Variants in GPM6A observed in about 807,000 individuals in gnomAD.
GPM6A encodes neuronal membrane glycoprotein M6-a.
A neutral mutation model predicts 32.1 loss-of-function variants in GPM6A; 7 were observed. The ratio of observed to expected loss-of-function variants is 0.22; its 90% CI spans 0.12 to 0.41. The LOEUF is 0.41. Ranked by LOEUF, GPM6A falls within the 10% of genes least tolerant of loss-of-function variation. The pLI, the probability that GPM6A is intolerant of heterozygous loss-of-function variation, is 1.00. For synonymous variants in GPM6A, 130 were observed against 123.4 expected (o/e 1.05, Z -0.35); for missense variants, 235 against 347.2 (o/e 0.68, Z 2.57).
chr4:175,776,599 C>T (rs1733405742), intron 1 of GPM6A, among the ~76,000 whole-genome samples: 1 of 152,042 alleles, frequency 6.6e-6, no homozygotes, highest in Admixed American at 6.6e-5. Context: ...AAGAAGCTGC[C>T]CCGGGAAATC....
intron 1 of GPM6A, among the ~76,000 whole-genome samples, chr4:175,948,341 A>AT (rs1467124663): frequency 3.9e-5 from 6 of 152,234 alleles, no homozygotes; most frequent in African/African-American, 7.2e-5. Flanking sequence ...GAGAGAAATG[A>AT]TTTTTCTTTC....
At chr4:175,660,981 G>T (rs1310483763) in intron 3 of GPM6A, among the ~76,000 whole-genome samples, 2 of 151,882 alleles carry the variant, frequency 1.3e-5, no homozygotes, top group Non-Finnish European at 2.9e-5. Context: ...AAAATATTTG[G>T]CTAAGTAACC....
At chr4:175,964,893 A>G (rs189737955) in intron 1 of GPM6A, among the ~76,000 whole-genome samples, 1 of 152,362 alleles carries the variant, frequency 6.6e-6, no homozygotes, top group African/African-American at 2.4e-5. Context: ...AATCCTTAAT[A>G]AGCATGTACT....
chr4:175,637,314 T>C (rs1740753563), intron 6 of GPM6A, among the ~76,000 whole-genome samples: 1 of 67,864 alleles, frequency 1.5e-5, no homozygotes, highest in Admixed American at 2.9e-4. Context: ...TTATATATAA[T>C]ATAAAATATA....
Position 175,900,438 on chromosome 4 carries a change from G to A in GPM6A, c.-22-88189C>T, listed in dbSNP as rs190112065. Among the ~76,000 whole-genome samples the A allele has an allele frequency of 2.6e-3, 396 of 150,596 alleles. 3 individuals are homozygous for A. The highest frequency in any genetic ancestry group is 8.8e-3 in the African/African-American group (361 of 41,000). ...TCTATAGGAGAAAATCTAATAATCC[G>A]GTCAAAAAATGGGCAAAAAATATGA... On this transcript the variant is annotated intron_variant, in intron 1 of 7. Transcript: ENST00000280187.
intron 1 of GPM6A, among the ~76,000 whole-genome samples, chr4:175,820,977 A>C (rs1735261610): frequency 6.6e-6 from 1 of 152,178 alleles, no homozygotes; most frequent in Non-Finnish European, 1.5e-5. Context: ...TAGTGCATAC[A>C]TTTAAAATTT....
chr4:175,771,826 C>T (rs1336266448), intron 1 of GPM6A, among the ~76,000 whole-genome samples: 1 of 152,190 alleles, frequency 6.6e-6, no homozygotes, highest in Non-Finnish European at 1.5e-5. Context: ...TGCTTTTATT[C>T]TTCTCAATCA....
rs190838288 is a variant in GPM6A, at chr4:175,682,251, G to A, written c.231-8415C>T. 4.3e-4 allele frequency among the ~76,000 whole-genome samples: 66 copies of A among 152,302 alleles called. No homozygotes were observed. The East Asian group carries it at 0.012, about 28-fold the overall frequency. On this transcript the variant is annotated intron_variant, in intron 2 of 6. Transcript: ENST00000393658. ...GCAGAAGAAATTTCTAAGCTGCTAA[G>A]TATTTGCATGGGTGCTTCTAACAGC...
At chr4:175,686,467 T>C (rs945245027) in intron 2 of GPM6A, among the ~76,000 whole-genome samples, 3 of 152,188 alleles carry the variant, frequency 2.0e-5, no homozygotes, top group Admixed American at 6.5e-5. Flanking sequence ...TGCAAGCTCA[T>C]GTTTCCTTAT....
At chr4:175,719,281 C>T (rs1745997509) in intron 1 of GPM6A, among the ~76,000 whole-genome samples, 1 of 151,736 alleles carries the variant, frequency 6.6e-6, no homozygotes, top group Non-Finnish European at 1.5e-5. Flanking sequence ...TCACTGCAAC[C>T]TCTGCCTCCT....
intron 1 of GPM6A, among the ~76,000 whole-genome samples, chr4:175,991,525 T>G (rs1017445374): frequency 6.6e-6 from 1 of 152,190 alleles, no homozygotes; most frequent in African/African-American, 2.4e-5. Flanking sequence ...GAAAATTCCC[T>G]GAGTATCCAG....
At chr4:175,873,901 C>G (rs557887317) in intron 1 of GPM6A, among the ~76,000 whole-genome samples, 1 of 152,272 alleles carries the variant, frequency 6.6e-6, no homozygotes, top group East Asian at 1.9e-4. Flanking sequence ...GTCCATCTTT[C>G]TACAGACTTT....
At chr4:175,795,873 G>A (rs1734206125) in intron 1 of GPM6A, 2 of 152,262 alleles carry the variant, frequency 1.3e-5, no homozygotes, top group Admixed American at 6.5e-5. Flanking sequence ...CATGGCATGA[G>A]GCAGCCCTGT....
intron 1 of GPM6A, among the ~76,000 whole-genome samples, chr4:175,795,092 A>G (rs1039652062): frequency 5.3e-5 from 8 of 152,208 alleles, no homozygotes; most frequent in African/African-American, 1.9e-4. Flanking sequence ...TTCTGAAGTG[A>G]AAGCATTTGA....
chr4:175,668,773 C>T (rs1313945272), intron 3 of GPM6A, among the ~76,000 whole-genome samples: 2 of 152,174 alleles, frequency 1.3e-5, no homozygotes, highest in Non-Finnish European at 2.9e-5. Flanking sequence ...GAGGACATCT[C>T]TGTAATGAAG....
At chr4:175,936,306 C>CAAAAAAAAAAAAAAA (rs35653197) in intron 1 of GPM6A, among the ~76,000 whole-genome samples, 4 of 45,600 alleles carry the variant, frequency 8.8e-5, no homozygotes, top group Non-Finnish European at 1.5e-4. Context: ...ACTCTGTCTC[C>CAAAAAAAAAAAAAAA]AAAAAAAAAA....
intron 1 of GPM6A, among the ~76,000 whole-genome samples, chr4:175,884,209 C>A (rs1021194173): frequency 3.3e-5 from 5 of 152,192 alleles, no homozygotes; most frequent in African/African-American, 1.2e-4. Context: ...AACTATAAAT[C>A]TTTGTAAAAC....
In GPM6A at chr4:175,634,997, G is replaced by A. The variant is rs1433637868; in HGVS notation, c.745C>T (p.Gln249Ter). Reference sequence around the variant, plus strand: ...TTCGACTTGATGTCTTCATACTTCTGCATCCGGCAGGCGTCTTTCACATAG... The same window carrying A: ...TTCGACTTGATGTCTTCATACTTCTACATCCGGCAGGCGTCTTTCACATAG... ...WAYVKDACRM[Q>*]KYEDIKSKEE... Residue 249 changes from glutamine (Q) to a stop codon, truncating the protein, a stop_gained, in exon 7 of 7, where the codon CAG (glutamine) becomes TAG (stop). Transcript: ENST00000393658. LOFTEE classifies it high-confidence loss of function. The A allele has an allele frequency of 6.2e-7, 1 of 1,613,326 alleles. No individual in the cohort carries two copies. Among genetic ancestry groups the A allele is most frequent in the Non-Finnish European group, 8.5e-7 (1 of 1,179,476 alleles).
intron 1 of GPM6A, among the ~76,000 whole-genome samples, chr4:175,970,028 TG>T (rs2126420043): frequency 1.3e-5 from 2 of 152,366 alleles, no homozygotes; most frequent in South Asian, 4.1e-4. Context: ...CAGATATTAT[TG>T]TTCCTTAAAA....
Sources: allele counts gnomAD v4.1 joint callset (sites outside exome capture counted in the v4.1 genomes callset), GRCh38; gene constraint gnomAD v4.1.1; transcripts MANE v1.5; gene names NCBI Gene and HGNC (gene_info 2026-07-23, HGNC 2026-07-21).